Variants in CADM1 observed in about 807,000 individuals in gnomAD.
CADM1 encodes the protein TSLC-1.
CADM1 carries 15 observed loss-of-function variants against 53.1 expected under a neutral mutation model. That is an observed-to-expected ratio of 0.28 (90% CI 0.19 to 0.44). The LOEUF (loss-of-function observed/expected upper bound fraction) is 0.44, where lower values mean the gene tolerates loss of function less well. CADM1 is among the 20% of genes least tolerant of loss of function. CADM1 has a pLI of 1.00. For synonymous variants in CADM1, 281 were observed against 243.0 expected (o/e 1.16, Z -1.45); for missense variants, 434 against 611.3 (o/e 0.71, Z 3.06).
rs942902264 is a variant in CADM1 at position 115,171,954 on chromosome 11, G to A, written c.*4520C>T. On this transcript the variant is annotated 3_prime_UTR_variant, in exon 12 of 12. Transcript: ENST00000331581. ...TCGTAGCCCTGGGTAACCTTCTATC[G>A]TTTTAGTCACCATTTGCCTCTATCC... The A allele has an allele frequency of 4.1e-4, 63 of 152,208 alleles. No individual in the cohort carries two copies. Among genetic ancestry groups the A allele is most frequent in the African/African-American group, 1.2e-3 (48 of 41,446 alleles). 9.4% of individuals were successfully genotyped at this position (152,208 alleles called of 1,614,324 possible). A position where few individuals can be genotyped will look rare whatever the true frequency, so the allele number is the denominator to read the frequency against.
At chr11:115,346,125 G>T (rs914426341) in intron 1 of CADM1, among the ~76,000 whole-genome samples, 3 of 151,958 alleles carry the variant, frequency 2.0e-5, no homozygotes, top group African/African-American at 7.3e-5. Context: ...TTTGCAAGCT[G>T]GACAGAGAGC....
chr11:115,313,975 G>A (rs1944594641), intron 1 of CADM1, among the ~76,000 whole-genome samples: 2 of 152,158 alleles, frequency 1.3e-5, no homozygotes. Context: ...TATTGTAAAT[G>A]TGAAGCTCTC....
chr11:115,285,331 GTGTACCTACTC>G (rs1419054398), intron 1 of CADM1, among the ~76,000 whole-genome samples: 2 of 152,210 alleles, frequency 1.3e-5, no homozygotes, highest in Non-Finnish European at 2.9e-5. Context: ...AAACTTCGTT[GTGTACCTACTC>G]TGTGCTACAA....
chr11:115,231,883 G>C (rs1046329967), intron 3 of CADM1, among the ~76,000 whole-genome samples: 1 of 152,138 alleles, frequency 6.6e-6, no homozygotes, highest in Admixed American at 6.6e-5. Flanking sequence ...CTACTTGGGA[G>C]GCTGAGGCAG....
chr11:115,315,803 G>C (rs536948500), intron 1 of CADM1, among the ~76,000 whole-genome samples: 1 of 152,066 alleles, frequency 6.6e-6, no homozygotes, highest in Non-Finnish European at 1.5e-5. Flanking sequence ...CCACTACCTG[G>C]AGCAACACGA....
intron 1 of CADM1, among the ~76,000 whole-genome samples, chr11:115,253,726 A>G (rs761573580): frequency 7.9e-5 from 12 of 152,192 alleles, no homozygotes; most frequent in Admixed American, 2.0e-4. Flanking sequence ...AGGAATTCCT[A>G]CTTGTCCTGT....
chr11:115,238,320 T>C (rs2134898808), intron 3 of CADM1, among the ~76,000 whole-genome samples, 180 bp downstream of exon 3: 2 of 152,348 alleles, frequency 1.3e-5, no homozygotes, highest in Non-Finnish European at 2.9e-5. Context: ...TAAAGACTGC[T>C]GATTGCCATT....
chr11:115,421,082 T>A (rs7106275), intron 1 of CADM1, among the ~76,000 whole-genome samples: 136 of 152,272 alleles, frequency 8.9e-4, no homozygotes, highest in Non-Finnish European at 1.7e-3. Flanking sequence ...TAAAACAAAC[T>A]GCAATTATTT....
intron 1 of CADM1, among the ~76,000 whole-genome samples, chr11:115,430,100 G>A (rs1259122499): frequency 6.6e-6 from 1 of 152,014 alleles, no homozygotes; most frequent in Non-Finnish European, 1.5e-5. Flanking sequence ...AAGGAACCCC[G>A]CAAATGAAAC....
At chr11:115,380,652 G>C (rs938499079) in intron 1 of CADM1, among the ~76,000 whole-genome samples, 5 of 152,168 alleles carry the variant, frequency 3.3e-5, no homozygotes, top group Admixed American at 6.6e-5. Flanking sequence ...AAAAGACTAT[G>C]GCTGTCGAGG....
intron 10 of CADM1, among the ~76,000 whole-genome samples, chr11:115,180,869 T>A (rs944756503): frequency 1.2e-4 from 18 of 152,154 alleles, no homozygotes; most frequent in African/African-American, 4.1e-4. Context: ...AATTAACTCA[T>A]CTCCAATGGC....
At chr11:115,502,198 GC>G (rs1486347769) in intron 1 of CADM1, among the ~76,000 whole-genome samples, 9 of 152,096 alleles carry the variant, frequency 5.9e-5, no homozygotes, top group African/African-American at 2.2e-4. Flanking sequence ...ACTACCCGGT[GC>G]CTTCAATGAG....
chr11:115,274,843 A>C (rs1178852545), intron 1 of CADM1, among the ~76,000 whole-genome samples: 2 of 152,154 alleles, frequency 1.3e-5, no homozygotes, highest in East Asian at 3.9e-4. Context: ...GTCTTCCCCC[A>C]GATCTGTCCT....
At chr11:115,381,366 C>A in intron 1 of CADM1, among the ~76,000 whole-genome samples, 1 of 151,388 alleles carries the variant, frequency 6.6e-6, no homozygotes, top group East Asian at 1.9e-4. Context: ...AACAAGATGA[C>A]AAACTGTAAA....
intron 1 of CADM1, among the ~76,000 whole-genome samples, chr11:115,257,679 A>C (rs1942837068): frequency 6.6e-6 from 1 of 152,238 alleles, no homozygotes; most frequent in Admixed American, 6.5e-5. Flanking sequence ...CACAGAGTAA[A>C]TTATTAGTAT....
intron 1 of CADM1, among the ~76,000 whole-genome samples, chr11:115,388,564 T>C (rs1035426512): frequency 4.5e-5 from 5 of 112,062 alleles, no homozygotes; most frequent in African/African-American, 1.6e-4. Context: ...CAACAAAGGG[T>C]AGAAGGACAT....
intron 1 of CADM1, among the ~76,000 whole-genome samples, chr11:115,246,307 GTTGA>G (rs1323103615): frequency 1.3e-5 from 2 of 152,312 alleles, no homozygotes; most frequent in East Asian, 1.9e-4. Flanking sequence ...AGTCAAATAT[GTTGA>G]TTGTCTGCTC....
At chr11:115,478,428 A>C (rs1949184697) in intron 1 of CADM1, among the ~76,000 whole-genome samples, 1 of 152,192 alleles carries the variant, frequency 6.6e-6, no homozygotes, top group Admixed American at 6.5e-5. Context: ...AAAGACATAA[A>C]TATAAATACC....
At chr11:115,218,542 A>G (rs1941280539) in intron 5 of CADM1, among the ~76,000 whole-genome samples, 1 of 152,188 alleles carries the variant, frequency 6.6e-6, no homozygotes, top group East Asian at 1.9e-4. Context: ...AAACATTAAA[A>G]AGAAAAAATA....
Sources: gnomAD v4.1 joint callset for allele counts (sites outside exome capture counted in the v4.1 genomes callset) on GRCh38, gnomAD v4.1.1 for gene constraint, MANE v1.5 for transcripts, NCBI Gene and HGNC (gene_info 2026-07-23, HGNC 2026-07-21) for gene names.